CFAP47: variants seen among roughly 807,000 people sequenced by gnomAD.
CFAP47 encodes the protein cilia- and flagella-associated protein 47.
Under a neutral mutation model 148.1 loss-of-function variants are expected in CFAP47, and 29 were observed. That is an observed-to-expected ratio of 0.20 (90% confidence interval 0.15 to 0.27). The LOEUF is 0.27. Ranked by LOEUF, CFAP47 falls within the 10% of genes least tolerant of loss-of-function variation. CFAP47 has a pLI of 1.00. For missense variants in CFAP47, 1,872 were observed against 1,697.5 expected (o/e 1.10, Z -1.81); for synonymous variants, 664 against 577.3 (o/e 1.15, Z -2.15).
intron 60 of CFAP47, among the ~76,000 whole-genome samples, chrX:36,354,840 A>T (rs959228984): frequency 9.0e-6 from 1 of 111,025 alleles, no homozygotes; most frequent in Non-Finnish European, 1.9e-5. Context: ...GATTTCATGG[A>T]TATAACACCA....
chrX:36,302,587 A>C (rs1445310490), intron 53 of CFAP47, among the ~76,000 whole-genome samples: 17 of 112,196 alleles, frequency 1.5e-4, no homozygotes, highest in African/African-American at 5.5e-4. Flanking sequence ...AACTGTACAT[A>C]GATAAAATTA....
chrX:36,152,334 G>T (rs1457802151), intron 37 of CFAP47, among the ~76,000 whole-genome samples: 1 of 111,265 alleles, frequency 9.0e-6, no homozygotes, highest in East Asian at 2.8e-4. Flanking sequence ...TGACATTATA[G>T]TCACTTTGAT....
chrX:36,324,090 G>A (rs781856168), intron 57 of CFAP47, among the ~76,000 whole-genome samples: 1 of 111,716 alleles, frequency 9.0e-6, no homozygotes, highest in East Asian at 2.8e-4. Flanking sequence ...TTTTCACTTT[G>A]AAATGTTATC....
chrX:35,920,112 C>G, intron 1 of CFAP47, 64 bp downstream of exon 1: 3 of 1,104,040 alleles, frequency 2.7e-6, no homozygotes, highest in Non-Finnish European at 3.6e-6. Flanking sequence ...CTGCGTCTCT[C>G]TTTGCCCCAG....
At chrX:36,213,880 G>A (rs1215323994) in intron 45 of CFAP47, among the ~76,000 whole-genome samples, 1 of 111,892 alleles carries the variant, frequency 8.9e-6, no homozygotes, top group African/African-American at 3.2e-5. Context: ...CGAATTCAGG[G>A]CACTGAGAGT....
intron 33 of CFAP47, among the ~76,000 whole-genome samples, chrX:36,108,536 T>C (rs1938501244): frequency 8.9e-6 from 1 of 111,984 alleles, no homozygotes; most frequent in Admixed American, 9.5e-5. Flanking sequence ...CTGTCACTTT[T>C]GTAATTTATC....
intron 29 of CFAP47, among the ~76,000 whole-genome samples, chrX:36,075,326 C>T (rs1937830677): frequency 1.8e-5 from 2 of 109,961 alleles, no homozygotes; most frequent in South Asian, 7.7e-4. Context: ...TTCCCGGGCT[C>T]AAGCAGTTCT....
chrX:36,379,934 A>C (rs1187850858), intron 63 of CFAP47: 1 of 112,588 alleles, frequency 8.9e-6, no homozygotes, highest in Non-Finnish European at 1.8e-5. Flanking sequence ...GTTGAAGTCT[A>C]ACATAAAAAA....
intron 54 of CFAP47, among the ~76,000 whole-genome samples, chrX:36,304,767 A>G (rs1941333160): frequency 9.0e-6 from 1 of 111,296 alleles, no homozygotes; most frequent in African/African-American, 3.3e-5. Flanking sequence ...CAACTTTCTC[A>G]TTCTTAGATC....
intron 62 of CFAP47, among the ~76,000 whole-genome samples, chrX:36,376,766 C>A (rs1942027315): frequency 1.2e-5 from 1 of 81,850 alleles, no homozygotes; most frequent in Non-Finnish European, 2.3e-5. Flanking sequence ...TAATGCTATC[C>A]CTCCCCCCTC....
chrX:36,084,766 T>C (rs1189491748), intron 29 of CFAP47, among the ~76,000 whole-genome samples: 2 of 112,199 alleles, frequency 1.8e-5, no homozygotes, highest in Admixed American at 1.9e-4. Context: ...ATGTTATCTG[T>C]GGGCTTTATC....
intron 2 of CFAP47, among the ~76,000 whole-genome samples, chrX:35,935,976 C>T (rs1251598074): frequency 9.0e-6 from 1 of 111,382 alleles, no homozygotes; most frequent in Non-Finnish European, 1.9e-5. Flanking sequence ...TTATGATATG[C>T]CTTTACATGA....
In CFAP47 at chrX:36,236,818, A is replaced by G. The variant is rs1555994767; in HGVS notation, c.7291A>G (p.Ile2431Val). Residue 2431 changes from isoleucine to valine, a missense_variant, in exon 48 of 64, where the codon ATA becomes GTA. Coordinates refer to ENST00000378653, the MANE Select transcript of CFAP47 (RefSeq NM_001304548.2). ...CQVGNVTQKH[I>V]TLPHFTNTAL... ...AGTGGGGAATGTGACACAAAAGCAT[A>G]TAACATTGCCTCATTTCACAAATAC... 2.0e-6 allele frequency: 1 copy of G among 502,767 alleles called. No homozygotes were observed. Among genetic ancestry groups the G allele is most frequent in the Middle Eastern group, 3.2e-4 (1 of 3,106 alleles). 41.4% of individuals were successfully genotyped at this position (502,767 alleles called of 1,213,427 possible).
intron 15 of CFAP47, among the ~76,000 whole-genome samples, chrX:35,981,933 T>C (rs1392818290): frequency 9.0e-6 from 1 of 111,214 alleles, no homozygotes; most frequent in Non-Finnish European, 1.9e-5. Flanking sequence ...TGTTGATGGG[T>C]GTTTAGGTTG....
chrX:36,115,764 A>G (rs985561995), intron 33 of CFAP47, among the ~76,000 whole-genome samples: 1 of 111,920 alleles, frequency 8.9e-6, no homozygotes, highest in Non-Finnish European at 1.9e-5. Context: ...AATGTTTATT[A>G]CCTTTACTAG....
intron 26 of CFAP47, among the ~76,000 whole-genome samples, chrX:36,058,440 G>GCT (rs1937570909): frequency 9.0e-6 from 1 of 111,427 alleles, no homozygotes; most frequent in Non-Finnish European, 1.9e-5. Flanking sequence ...CTAGAAATTG[G>GCT]GAACCATTTT....
chrX:36,006,346 A>T (rs757248511), intron 21 of CFAP47, among the ~76,000 whole-genome samples: 4 of 111,646 alleles, frequency 3.6e-5, no homozygotes, highest in Non-Finnish European at 7.5e-5. Context: ...TTTTAAAAAG[A>T]AGATTTACTT....
chrX:35,948,599 T>C, intron 4 of CFAP47, 147 bp downstream of exon 4: 1 of 459,247 alleles, frequency 2.2e-6, no homozygotes. Context: ...TGCCAAGCAG[T>C]AGGTTTTTAA....
At chrX:36,012,651 G>C (rs964146143) in intron 21 of CFAP47, among the ~76,000 whole-genome samples, 4 of 110,922 alleles carry the variant, frequency 3.6e-5, no homozygotes, top group Admixed American at 1.9e-4. Context: ...ACAACACACA[G>C]TGGGGCCTGT....
Sources: allele counts gnomAD v4.1 joint callset (sites outside exome capture counted in the v4.1 genomes callset), GRCh38; gene constraint gnomAD v4.1.1; transcripts MANE v1.5; gene names NCBI Gene and HGNC (gene_info 2026-07-23, HGNC 2026-07-21).